The following ZC3HAV1 variants were observed in gnomAD, a reference collection of about 807,000 sequenced individuals.
The protein encoded by ZC3HAV1 is zinc finger CCCH-type containing, antiviral 1.
Under a neutral mutation model 86.6 loss-of-function variants are expected in ZC3HAV1, and 41 were observed. The ratio of observed to expected loss-of-function variants is 0.47; its 90% confidence interval spans 0.37 to 0.61. The LOEUF (loss-of-function observed/expected upper bound fraction) is 0.61. Among genes scored for constraint, ZC3HAV1 ranks in the 20% least tolerant of loss-of-function variants. The pLI is 0.00. For synonymous variants in ZC3HAV1, 421 were observed against 432.1 expected, an observed-to-expected ratio of 0.97 and a Z score of 0.32; for missense variants, 964 against 1,141.1, an observed-to-expected ratio of 0.84 and a Z score of 2.24.
intron 1 of ZC3HAV1, among the ~76,000 whole-genome samples, chr7:139,096,858 C>T (rs1052565147): frequency 2.0e-5 from 3 of 152,110 alleles, no homozygotes; most frequent in African/African-American, 7.2e-5. Context: ...ATCCTGGGGG[C>T]GCAGTGGCTT....
chr7:139,095,896 C>T (rs968909416), intron 1 of ZC3HAV1, among the ~76,000 whole-genome samples: 1 of 152,160 alleles, frequency 6.6e-6, no homozygotes, highest in African/African-American at 2.4e-5. Context: ...TTAAAGATTT[C>T]CTAAGTGATC....
chr7:139,106,058 T>A (rs1003982774), intron 1 of ZC3HAV1, among the ~76,000 whole-genome samples: 1 of 152,156 alleles, frequency 6.6e-6, no homozygotes, highest in East Asian at 1.9e-4. Flanking sequence ...TAAGATTTTA[T>A]CACTCTACTA....
In ZC3HAV1 at chr7:139,070,252, T is replaced by C. The variant is rs557078795; in HGVS notation, c.1872+3604A>G. Among the ~76,000 whole-genome samples the C allele has an allele frequency of 1.2e-3, 179 of 152,280 alleles. 1 individual carries two copies. The highest frequency in any genetic ancestry group is 3.9e-3 in the African/African-American group (161 of 41,550). On this transcript the variant is annotated intron_variant, in intron 7 of 12. Transcript: ENST00000242351. ...AACATTCATGTGTTTGCAGATTGAA[T>C]GTTACATTCTAAAAACTCCACAGTT...
intron 1 of ZC3HAV1, among the ~76,000 whole-genome samples, chr7:139,103,209 A>G (rs1469440217): frequency 1.4e-5 from 2 of 146,004 alleles, no homozygotes; most frequent in Non-Finnish European, 3.0e-5. Flanking sequence ...CCCAGCTAAT[A>G]TTTTTTATAT....
rs775622329 is a variant in ZC3HAV1, at chr7:139,076,446, G to T, written c.1574-37C>A. 1.9e-6 allele frequency: 3 copies of T among 1,611,504 alleles called. No homozygotes were observed. The South Asian group carries it at 3.3e-5, about 18-fold the overall frequency. ...AAGAAGGGGTCTGAGGGACTGTTGAGCAGGGATTCTAACCAATTCAGTCAA... is the reference window on the plus strand; with the variant it reads ...AAGAAGGGGTCTGAGGGACTGTTGATCAGGGATTCTAACCAATTCAGTCAA... On this transcript the variant is annotated intron_variant, in intron 5 of 12. Transcript: ENST00000242351.
At chr7:139,087,391 G>A (rs1332247027) in intron 2 of ZC3HAV1, among the ~76,000 whole-genome samples, 2 of 151,938 alleles carry the variant, frequency 1.3e-5, no homozygotes, top group African/African-American at 2.4e-5. Context: ...GAGGGAGAGA[G>A]AGAGAGAGAC....
At position 139,047,453 on chromosome 7, in the gene ZC3HAV1, A is replaced by G; in HGVS notation, c.*141T>C. The G allele has an allele frequency of 1.7e-6, 2 of 1,184,552 alleles. No individual in the cohort carries two copies. The highest frequency in any genetic ancestry group is 2.6e-5 in the Admixed American group (1 of 37,874). The allele number at this position is 1,184,552 out of a possible 1,614,324, so 73.4% of individuals were successfully genotyped here. Reference sequence around the variant, plus strand: ...AACCTCCCAGATGATTCTAATATGTAGCAAAATTTGGGGACCACTGATCTA... The same window carrying G: ...AACCTCCCAGATGATTCTAATATGTGGCAAAATTTGGGGACCACTGATCTA... On this transcript the variant is annotated 3_prime_UTR_variant, in exon 13 of 13. Transcript: ENST00000242351.
intron 12 of ZC3HAV1, 22 bp from the exon 13 acceptor site, chr7:139,047,875 AG>A: frequency 6.2e-7 from 1 of 1,601,990 alleles, no homozygotes; most frequent in African/African-American, 1.4e-5. Context: ...CAGAAAGAAA[AG>A]TTAAGAAATA....
rs756229691 is a variant in ZC3HAV1, at chr7:139,109,339, T to C, written c.-8A>G. 2.6e-6 allele frequency: 4 copies of C among 1,562,352 alleles called. No individual in the cohort carries two copies. The South Asian group carries it at 4.7e-5, about 18-fold the overall frequency. The stretch of plus-strand genomic sequence containing the variant: ...CACCTCCGGGTCCGCCATGGCGCGC[T>C]GGCTGTGCTGGCTCTGCCGCGGCGC... On this transcript the variant is annotated 5_prime_UTR_variant, in exon 1 of 13. Coordinates refer to ENST00000242351, the MANE Select transcript of ZC3HAV1 (RefSeq NM_020119.4).
At position 139,066,147 on chromosome 7, in the gene ZC3HAV1, T is replaced by C. The variant is rs147428034; in HGVS notation, c.1873-1148A>G. ...AGCAGCAGGGGTTCCCAGTATTTAA[T>C]GGTGAGGAGACTCTTGTTTCCTGTG... is the stretch of plus-strand genomic sequence containing the variant. On this transcript the variant is annotated intron_variant, in intron 7 of 12. Coordinates refer to ENST00000242351, the MANE Select transcript of ZC3HAV1 (RefSeq NM_020119.4). Among the ~76,000 whole-genome samples the C allele has an allele frequency of 1.8e-4, 28 of 152,184 alleles. No individual in the cohort carries two copies. In the South Asian group the frequency reaches 4.4e-3, roughly 24 times the overall value.
intron 1 of ZC3HAV1, among the ~76,000 whole-genome samples, chr7:139,101,777 G>A (rs1269195114): frequency 6.6e-6 from 1 of 151,742 alleles, no homozygotes; most frequent in Non-Finnish European, 1.5e-5. Context: ...GGCGGTGCAA[G>A]ATGTGCTTTG....
In ZC3HAV1 at chr7:139,084,035, A is replaced by G. The variant is rs1446164224; in HGVS notation, c.445-3T>C. The stretch of plus-strand genomic sequence containing the variant: ...TCTCCCTTATAACTTTTGCATATCT[A>G]CAGAAGGGAGAAACAACAGCCAGAG... On this transcript the variant is annotated splice_region_variant and splice_polypyrimidine_tract_variant and intron_variant, in intron 2 of 12. Coordinates refer to ENST00000242351, the MANE Select transcript of ZC3HAV1 (RefSeq NM_020119.4). 1.9e-6 allele frequency: 3 copies of G among 1,609,092 alleles called. No homozygotes were observed. The highest frequency in any genetic ancestry group is 1.1e-5 in the South Asian group (1 of 91,026).
chr7:139,074,765 T>C (rs1490463090), intron 6 of ZC3HAV1, among the ~76,000 whole-genome samples: 1 of 152,120 alleles, frequency 6.6e-6, no homozygotes, highest in Non-Finnish European at 1.5e-5. Flanking sequence ...TATAGTTACA[T>C]GAAACATGTT....
chr7:139,096,260 C>T (rs1007557690), intron 1 of ZC3HAV1, among the ~76,000 whole-genome samples: 33 of 152,232 alleles, frequency 2.2e-4, no homozygotes, highest in African/African-American at 7.5e-4. Flanking sequence ...GTGATCCACC[C>T]GTCTCAGCCT....
intron 6 of ZC3HAV1, among the ~76,000 whole-genome samples, chr7:139,075,484 G>C (rs115861635): frequency 3.4e-3 from 521 of 152,288 alleles, no homozygotes; most frequent in African/African-American, 0.012. Flanking sequence ...CCAGGCTGGA[G>C]TGTGGTAGCA....
At chr7:139,084,119 A>G in intron 2 of ZC3HAV1, 87 bp from the exon 3 acceptor site, 1 of 1,532,510 alleles carries the variant, frequency 6.5e-7, no homozygotes, top group Non-Finnish European at 8.8e-7. Flanking sequence ...GTGTGCAAAA[A>G]TCTCTGAAGC....
At chr7:139,089,554 C>T in intron 2 of ZC3HAV1, 70 bp downstream of exon 2, 1 of 1,488,402 alleles carries the variant, frequency 6.7e-7, no homozygotes, top group Non-Finnish European at 8.9e-7. Context: ...TCTGCTCCTA[C>T]TCCAAAATAT....
intron 7 of ZC3HAV1, among the ~76,000 whole-genome samples, chr7:139,070,310 A>C (rs1584851030): frequency 6.6e-6 from 1 of 152,270 alleles, no homozygotes. Flanking sequence ...AAATAAAAAT[A>C]AATAAAATAA....
In ZC3HAV1 at chr7:139,044,154, A is replaced by G. The variant is rs1174171037; in HGVS notation, c.*3440T>C. ...ATTTGTTTTCTCTGAGACAATCTGT[A>G]ATTTGTCTTGTCCTATTATCCTTAA... is the stretch of plus-strand genomic sequence containing the variant. On this transcript the variant is annotated 3_prime_UTR_variant, in exon 13 of 13. Transcript: ENST00000242351. 2 of 152,198 alleles carry G rather than the reference A, an allele frequency of 1.3e-5. No homozygotes were observed. The highest frequency in any genetic ancestry group is 1.3e-4 in the Admixed American group (2 of 15,274). 9.4% of individuals were successfully genotyped at this position (152,198 alleles called of 1,614,324 possible). A position where few individuals can be genotyped will look rare whatever the true frequency, so the allele number is the denominator to read the frequency against.
Sources: allele counts gnomAD v4.1 joint callset (sites outside exome capture counted in the v4.1 genomes callset), GRCh38; gene constraint gnomAD v4.1.1; transcripts MANE v1.5; gene names NCBI Gene and HGNC (gene_info 2026-07-23, HGNC 2026-07-21).